Variants in TBC1D28 observed in about 807,000 individuals in gnomAD.
The protein encoded by TBC1D28 is TBC1 domain family, member 28.
TBC1D28 carries 20 observed loss-of-function variants against 29.2 expected under a neutral mutation model. That is an observed-to-expected ratio of 0.68 (90% CI 0.48 to 0.99). TBC1D28 has a LOEUF of 0.99. Ranked by LOEUF, TBC1D28 falls within the 50% of genes least tolerant of loss-of-function variation. TBC1D28 has a pLI of 0.00. For missense variants in TBC1D28, 205 were observed against 243.7 expected (o/e 0.84, Z 1.06); for synonymous variants, 65 against 90.9 (o/e 0.71, Z 1.62).
downstream of TBC1D28, among the ~76,000 whole-genome samples, chr17:18,634,819 TCAGCCCCTCAGCC>T (rs1344507507): frequency 8.0e-6 from 1 of 125,618 alleles, no homozygotes; most frequent in Non-Finnish European, 1.8e-5. Context: ...CTCAGCCGCC[TCAGCCCCTCAGCC>T]CCTCAGCCTC....
At chr17:18,634,797 G>GC (rs2031400710), downstream of TBC1D28, among the ~76,000 whole-genome samples, 1 of 149,870 alleles carries the variant, frequency 6.7e-6, no homozygotes, top group Non-Finnish European at 1.5e-5. Context: ...CCGCCCCTCA[G>GC]CCCCTCAGCC....
chr17:18,642,033 G>T (rs554986202), exon 1 of TBC1D28: 1 of 165,766 alleles, frequency 6.0e-6, no homozygotes, highest in Admixed American at 6.4e-5. Context: ...GAACGCTGGG[G>T]CCTTAGTCCT....
rs868660118 is a variant in TBC1D28, at chr17:18,640,414, G to C, written c.158+608C>G. Among the ~76,000 whole-genome samples the C allele has an allele frequency of 1.4e-3, 210 of 147,794 alleles. 1 individual carries two copies. The highest frequency in any genetic ancestry group is 0.014 in the Middle Eastern group (4 of 290). On this transcript the variant is annotated intron_variant, in intron 4 of 8. Transcript: ENST00000345096. ...GTGAGTCATGAGGGGCCGGCTTCAG[G>C]CTGGGCTCCCATTACCAGGCCCAGG...
At chr17:18,640,372 C>T (rs2031707634) in intron 4 of TBC1D28, among the ~76,000 whole-genome samples, 1 of 144,210 alleles carries the variant, frequency 6.9e-6, no homozygotes. Flanking sequence ...CCCCAGGCTC[C>T]TCCCTCTCTC....
At chr17:18,642,691 G>T (rs2031825935), upstream of TBC1D28, 2 of 152,280 alleles carry the variant, frequency 1.3e-5, no homozygotes, top group African/African-American at 4.8e-5. Context: ...TACCCGGTGA[G>T]TGCTCAGGGG....
At chr17:18,638,675 G>A (rs1291704546) in exon 6 of TBC1D28, 3 of 1,614,094 alleles carry the variant, frequency 1.9e-6, no homozygotes, top group East Asian at 2.2e-5. Flanking sequence ...GCCACTTGTT[G>A]GTACGTTTAC....
downstream of TBC1D28, among the ~76,000 whole-genome samples, chr17:18,634,338 C>CAAAATCATT (rs1354917999): frequency 1.3e-5 from 2 of 151,854 alleles, no homozygotes; most frequent in Non-Finnish European, 2.9e-5. Flanking sequence ...AAACAAACAA[C>CAAAATCATT]AAAATCATTA....
In TBC1D28 at chr17:18,638,126, C is replaced by T. The variant is rs567311857; in HGVS notation, c.388-153G>A. ...AAGCTCCTTTTTGCCTTGTTTCTGA[C>T]GCCAGGGAGGGTCAGCAGAGCCCAG... On this transcript the variant is annotated intron_variant, in intron 7 of 8. Coordinates refer to ENST00000345096, the Ensembl canonical transcript of TBC1D28. 5.6e-4 allele frequency: 798 copies of T among 1,413,664 alleles called. 1 individual carries two copies. Among genetic ancestry groups the T allele is most frequent in the East Asian group, 4.8e-3 (208 of 43,330 alleles). 87.6% of individuals were successfully genotyped at this position (1,413,664 alleles called of 1,614,324 possible). A position where few individuals can be genotyped will look rare whatever the true frequency, so the allele number is the denominator to read the frequency against.
chr17:18,643,244 G>T (rs529173827), upstream of TBC1D28, among the ~76,000 whole-genome samples: 1 of 152,222 alleles, frequency 6.6e-6, no homozygotes, highest in South Asian at 2.1e-4. Context: ...TCATTAGGGG[G>T]AACTCAGCTA....
exon 7 of TBC1D28, chr17:18,638,351 T>C (rs762846621): frequency 6.2e-7 from 1 of 1,614,192 alleles, no homozygotes; most frequent in Admixed American, 1.7e-5. Context: ...ATTTTGTCAA[T>C]ATCTAGCAAA....
chr17:18,641,417 C>T lies in TBC1D28; in HGVS notation c.-1-64G>A. The T allele has an allele frequency of 5.9e-6, 6 of 1,019,386 alleles. 1 individual carries two copies. The South Asian group carries it at 7.3e-5, about 12-fold the overall frequency. 63.1% of individuals were successfully genotyped at this position (1,019,386 alleles called of 1,614,324 possible). ...AGAGCTCCAGAGAACAGCCAAACCA[C>T]ACGCACTGCACTCCCAGACACACTC... On this transcript the variant is annotated intron_variant, in intron 2 of 8. Coordinates refer to ENST00000345096, the Ensembl canonical transcript of TBC1D28.
At chr17:18,640,379 T>C (rs1597483488) in intron 4 of TBC1D28, among the ~76,000 whole-genome samples, 1 of 142,772 alleles carries the variant, frequency 7.0e-6, no homozygotes, top group Admixed American at 7.0e-5. Context: ...CTCCTCCCTC[T>C]CTCCATCCTG....
At chr17:18,640,692 A>C (rs2031722229) in intron 4 of TBC1D28, among the ~76,000 whole-genome samples, 1 of 107,746 alleles carries the variant, frequency 9.3e-6, no homozygotes, top group Non-Finnish European at 1.8e-5. Flanking sequence ...AGATCTCACC[A>C]AGGCAGGCCC....
At chr17:18,643,539 C>A (rs2031865626), upstream of TBC1D28, among the ~76,000 whole-genome samples, 1 of 150,596 alleles carries the variant, frequency 6.6e-6, no homozygotes, top group Non-Finnish European at 1.5e-5. Flanking sequence ...TCCAACTGAC[C>A]ATGTCCCCAC....
Position 18,641,266 on chromosome 17 carries a change from C to G in TBC1D28, c.75+12G>C. The G allele has an allele frequency of 6.2e-7, 1 of 1,610,390 alleles. No homozygotes were observed. On this transcript the variant is annotated intron_variant, in intron 3 of 8. Transcript: ENST00000345096. ...GGCCCTGCTTCCCTTGAGGGAGCGG[C>G]CCAACTTGTACCTGCTCATACTTAG...
intron 8 of TBC1D28, 99 bp downstream of exon 9, chr17:18,637,765 A>G (rs1364720691): frequency 2.0e-5 from 29 of 1,439,762 alleles, no homozygotes; most frequent in Non-Finnish European, 2.7e-5. Context: ...TGGCTCTGTC[A>G]CCTCTCCTGG....
intron 8 of TBC1D28, among the ~76,000 whole-genome samples, chr17:18,637,128 C>T (rs529059635): frequency 7.2e-6 from 1 of 138,348 alleles, no homozygotes; most frequent in Non-Finnish European, 1.5e-5. Context: ...GCGTCATTCC[C>T]TCAGCAATAC....
At chr17:18,639,430 T>TG (rs1277024675) in intron 4 of TBC1D28, among the ~76,000 whole-genome samples, 1 of 126,910 alleles carries the variant, frequency 7.9e-6, no homozygotes, top group Non-Finnish European at 1.6e-5. Context: ...TGGCCCTGGG[T>TG]GGGGGGGACA....
downstream of TBC1D28, chr17:18,634,867 G>GCCCCTCAGCCCCTCAGCC (rs555281834): frequency 1.1e-5 from 1 of 94,646 alleles, no homozygotes; most frequent in African/African-American, 3.9e-5. Flanking sequence ...CGCCTCAGCC[G>GCCCCTCAGCCCCTCAGCC]CCTCAGCCCC....
Sources: gnomAD v4.1 joint callset for allele counts (sites outside exome capture counted in the v4.1 genomes callset) on GRCh38, gnomAD v4.1.1 for gene constraint, MANE v1.5 for transcripts, NCBI Gene and HGNC (gene_info 2026-07-23, HGNC 2026-07-21) for gene names.